Variants in DPP6 observed in about 807,000 individuals in gnomAD.
DPP6 encodes A-type potassium channel modulatory protein DPP6.
A neutral mutation model predicts 122.6 loss-of-function variants in DPP6; 69 were observed. That is an observed-to-expected ratio of 0.56 (90% CI 0.46 to 0.69). The LOEUF (loss-of-function observed/expected upper bound fraction) is 0.69, where lower values mean the gene tolerates loss of function less well. Ranked by LOEUF, DPP6 falls within the 30% of genes least tolerant of loss-of-function variation. The pLI, the probability that DPP6 is intolerant of heterozygous loss-of-function variation, is 0.00. For synonymous variants in DPP6, 418 were observed against 433.1 expected (o/e 0.97, Z 0.43); for missense variants, 928 against 1,116.9 (o/e 0.83, Z 2.41).
intron 1 of DPP6, among the ~76,000 whole-genome samples, chr7:153,952,554 T>C (rs1802269417): frequency 6.6e-6 from 1 of 152,238 alleles, no homozygotes; most frequent in Admixed American, 6.5e-5. Flanking sequence ...CAGACTGTGA[T>C]GAGCACAGTT....
chr7:153,945,281 C>T (rs1332442096), intron 1 of DPP6, among the ~76,000 whole-genome samples: 8 of 152,144 alleles, frequency 5.3e-5, no homozygotes, highest in African/African-American at 1.9e-4. Context: ...AGGTCCATCT[C>T]CCTAGTTTTT....
intron 2 of DPP6, among the ~76,000 whole-genome samples, chr7:154,454,604 G>A (rs999129668): frequency 2.6e-5 from 4 of 152,118 alleles, no homozygotes; most frequent in Non-Finnish European, 5.9e-5. Context: ...GAGGGGCCAG[G>A]TGTGGTCAAG....
chr7:154,107,255 TA>T (rs1806230960), intron 1 of DPP6, among the ~76,000 whole-genome samples: 1 of 152,142 alleles, frequency 6.6e-6, no homozygotes, highest in Admixed American at 6.5e-5. Flanking sequence ...TATGCAGCCT[TA>T]AAAAAGCAGG....
chr7:153,819,246 C>T, the DPP6 span, among the ~76,000 whole-genome samples: 16 of 137,366 alleles, frequency 1.2e-4, no homozygotes, highest in African/African-American at 4.0e-4. Context: ...TCCCATTCTC[C>T]GCCCTCTGGC....
At chr7:154,145,678 G>A (rs1417174506) in intron 1 of DPP6, among the ~76,000 whole-genome samples, 3 of 122,862 alleles carry the variant, frequency 2.4e-5, no homozygotes, top group Non-Finnish European at 5.1e-5. Flanking sequence ...ATCGCAGACA[G>A]CGGTTTGGCT....
At chr7:154,256,451 G>A (rs1231322264) in intron 1 of DPP6, among the ~76,000 whole-genome samples, 3 of 152,184 alleles carry the variant, frequency 2.0e-5, no homozygotes, top group Non-Finnish European at 2.9e-5. Context: ...TCTGCATGAC[G>A]GGCGCATGGA....
rs192573600 is a variant in DPP6 at position 154,797,672 on chromosome 7, G to T, written c.1299+1789G>T. Among the ~76,000 whole-genome samples, 7 of 152,276 alleles carry T rather than the reference G, an allele frequency of 4.6e-5. No individual in the cohort carries two copies. In the East Asian group the frequency reaches 9.6e-4, roughly 21 times the overall value. On this transcript the variant is annotated intron_variant, in intron 12 of 25. Coordinates refer to ENST00000377770, the MANE Select transcript of DPP6 (RefSeq NM_130797.4). ...GAGAGGAACAGCTTAATGAACAGGG[G>T]TTTATTTTGGGGTGGTGGAAATGTT...
chr7:154,452,790 A>T (rs1199456018), intron 2 of DPP6, among the ~76,000 whole-genome samples: 1 of 152,226 alleles, frequency 6.6e-6, no homozygotes, highest in Non-Finnish European at 1.5e-5. Context: ...ACAACAAGGC[A>T]TCTTGTCCTG....
chr7:154,837,224 A>G (rs1328572423), intron 16 of DPP6, among the ~76,000 whole-genome samples: 2 of 149,452 alleles, frequency 1.3e-5, no homozygotes, highest in East Asian at 3.9e-4. Flanking sequence ...ACACACATGC[A>G]CACACACACG....
At chr7:154,501,805 G>A (rs1160737898) in intron 3 of DPP6, among the ~76,000 whole-genome samples, 1 of 152,186 alleles carries the variant, frequency 6.6e-6, no homozygotes, top group Non-Finnish European at 1.5e-5. Context: ...GGAGCTATAA[G>A]AAGAGGGCCA....
chr7:154,331,628 A>G (rs977140156), intron 1 of DPP6, among the ~76,000 whole-genome samples: 1 of 152,190 alleles, frequency 6.6e-6, no homozygotes, highest in Non-Finnish European at 1.5e-5. Flanking sequence ...AATAGCCATC[A>G]ATTTGCCACG....
intron 1 of DPP6, among the ~76,000 whole-genome samples, chr7:154,437,170 A>G (rs1818944626): frequency 1.3e-5 from 2 of 152,240 alleles, no homozygotes; most frequent in African/African-American, 4.8e-5. Flanking sequence ...TTACTCATCA[A>G]TTGCCTCTCT....
the DPP6 span, among the ~76,000 whole-genome samples, chr7:153,814,027 T>C: frequency 6.6e-6 from 1 of 152,144 alleles, no homozygotes; most frequent in African/African-American, 2.4e-5. Context: ...TTTAGTTTAA[T>C]TAGATCCCAT....
At chr7:154,613,616 T>C (rs982832698) in intron 5 of DPP6, among the ~76,000 whole-genome samples, 1 of 64,764 alleles carries the variant, frequency 1.5e-5, no homozygotes, top group Non-Finnish European at 2.5e-5. Flanking sequence ...CGAGACTCTG[T>C]CTCAAAAAAA....
At chr7:154,623,593 A>T (rs886857030) in intron 5 of DPP6, among the ~76,000 whole-genome samples, 1 of 143,604 alleles carries the variant, frequency 7.0e-6, no homozygotes, top group Non-Finnish European at 1.5e-5. Context: ...ACACGCGCAC[A>T]CACACGCTGA....
intron 1 of DPP6, among the ~76,000 whole-genome samples, chr7:153,947,036 G>A (rs144120275): frequency 6.6e-6 from 1 of 152,228 alleles, no homozygotes; most frequent in East Asian, 1.9e-4. Context: ...AGGCCACCGG[G>A]GATGATTCAC....
At position 154,788,950 on chromosome 7, in the gene DPP6, C is replaced by T. The variant is rs1301734425; in HGVS notation, c.1137-5129C>T. ...AATTTTAGTTTTAGTTTCCTTGCAG[C>T]CCCCTCATCTCCCTTTTTGATCTTA... is the stretch of plus-strand genomic sequence containing the variant. On this transcript the variant is annotated intron_variant, in intron 10 of 25. Coordinates refer to ENST00000377770, the MANE Select transcript of DPP6 (RefSeq NM_130797.4). Among the ~76,000 whole-genome samples, 4 of 151,782 alleles carry T rather than the reference C, an allele frequency of 2.6e-5. No homozygotes were observed. In the East Asian group the frequency reaches 5.8e-4, roughly 22 times the overall value.
intron 5 of DPP6, among the ~76,000 whole-genome samples, chr7:154,611,922 T>C (rs919287834): frequency 1.3e-5 from 2 of 152,166 alleles, no homozygotes; most frequent in African/African-American, 4.8e-5. Context: ...ATTATATGTG[T>C]AGGTTTGTGT....
chr7:154,416,136 C>T lies in DPP6; in HGVS notation c.244-30078C>T, dbSNP rs2160122. 3.3e-5 allele frequency among the ~76,000 whole-genome samples: 5 copies of T among 152,112 alleles called. 1 individual carries two copies. Among genetic ancestry groups the T allele is most frequent in the African/African-American group, 1.2e-4 (5 of 41,416 alleles). On this transcript the variant is annotated intron_variant, in intron 1 of 25. Transcript: ENST00000377770. ...TAGCATTATGAAATCTCACACCGTC[C>T]TGCTCCATCCTGCTCCGTCCTGTTC...
Sources: gnomAD v4.1 joint callset for allele counts (sites outside exome capture counted in the v4.1 genomes callset) on GRCh38, gnomAD v4.1.1 for gene constraint, MANE v1.5 for transcripts, NCBI Gene and HGNC (gene_info 2026-07-23, HGNC 2026-07-21) for gene names.